The following SNX10 variants were observed in gnomAD, a reference collection of about 807,000 sequenced individuals.
The protein encoded by SNX10 is sorting nexin 10.
SNX10 carries 25 observed loss-of-function variants against 28.5 expected under a neutral mutation model. The observed-to-expected ratio is 0.88, with a 90% CI of 0.64 to 1.22. The LOEUF (loss-of-function observed/expected upper bound fraction) is 1.22. Ranked by LOEUF, SNX10 falls within the 50% of genes most tolerant of loss-of-function variation. The probability of loss-of-function intolerance (pLI) is 0.00; values close to 1 mark genes in which losing one functional copy is unlikely to be tolerated. For synonymous variants in SNX10, 62 were observed against 81.4 expected, an observed-to-expected ratio of 0.76 and a Z score of 1.28; for missense variants, 223 against 242.6, an observed-to-expected ratio of 0.92 and a Z score of 0.54.
intron 2 of SNX10, among the ~76,000 whole-genome samples, chr7:26,356,238 G>T (rs766625485): frequency 1.3e-5 from 2 of 152,166 alleles, no homozygotes; most frequent in Non-Finnish European, 2.9e-5. Flanking sequence ...GAGAACAGCA[G>T]GGACAGTTAG....
At chr7:26,319,708 G>A (rs1464799504) in intron 1 of SNX10, among the ~76,000 whole-genome samples, 3 of 152,000 alleles carry the variant, frequency 2.0e-5, no homozygotes, top group African/African-American at 2.4e-5. Flanking sequence ...TTCTTCTAAC[G>A]CAAACCCTGC....
chr7:26,350,354 A>G (rs1025779378), intron 2 of SNX10, among the ~76,000 whole-genome samples: 3 of 152,130 alleles, frequency 2.0e-5, no homozygotes, highest in Non-Finnish European at 4.4e-5. Context: ...ATGGGGCACT[A>G]TGGGGAGAGC....
At chr7:26,308,221 A>G (rs569786028) in intron 1 of SNX10, among the ~76,000 whole-genome samples, 30 of 152,196 alleles carry the variant, frequency 2.0e-4, no homozygotes, top group African/African-American at 7.2e-4. Flanking sequence ...TTCTCCCTTC[A>G]ACCTGCTCCT....
rs1562826305 is a variant in SNX10 at position 26,372,908 on chromosome 7, T to G, written c.*336T>G. The stretch of plus-strand genomic sequence containing the variant: ...TAAAAAGATAGGTAACTAAGTAGCA[T>G]TTAAAATCAAGATAGAGCATTCCTT... On this transcript the variant is annotated 3_prime_UTR_variant, in exon 7 of 7. Coordinates refer to ENST00000338523, the MANE Select transcript of SNX10 (RefSeq NM_013322.3). 1 of 225,136 alleles carries G rather than the reference T, an allele frequency of 4.4e-6. No individual in the cohort carries two copies. Among genetic ancestry groups the G allele is most frequent in the Non-Finnish European group, 8.9e-6 (1 of 112,666 alleles). 13.9% of individuals were successfully genotyped at this position (225,136 alleles called of 1,614,324 possible). A position where few individuals can be genotyped will look rare whatever the true frequency, so the allele number is the denominator to read the frequency against.
chr7:26,328,914 T>C (rs1340984644), intron 1 of SNX10, among the ~76,000 whole-genome samples: 1 of 152,168 alleles, frequency 6.6e-6, no homozygotes, highest in Admixed American at 6.5e-5. Context: ...TGGATAAGCA[T>C]AAGTGAGGAA....
chr7:26,332,668 T>A (rs1787789842), intron 1 of SNX10, among the ~76,000 whole-genome samples: 1 of 152,204 alleles, frequency 6.6e-6, no homozygotes, highest in Admixed American at 6.5e-5. Context: ...AGAGACTAAC[T>A]GCTGTGTTTT....
At chr7:26,330,447 C>T (rs1787697395) in intron 1 of SNX10, among the ~76,000 whole-genome samples, 1 of 152,000 alleles carries the variant, frequency 6.6e-6, no homozygotes, top group African/African-American at 2.4e-5. Context: ...GCAGCCGGTA[C>T]TTGGGAGAGT....
In SNX10 at chr7:26,314,923, G is replaced by A. The variant is rs988267504; in HGVS notation, c.-24+22837G>A. Among the ~76,000 whole-genome samples, 7 of 152,024 alleles carry A rather than the reference G, an allele frequency of 4.6e-5. No homozygotes were observed. The East Asian group carries it at 7.7e-4, about 17-fold the overall frequency. ...TGAGGCATGAGAATCACTTGAACCC[G>A]AAAGGCAGAGGTTGCAGTGAACTGA... On this transcript the variant is annotated intron_variant, in intron 1 of 6. Coordinates refer to ENST00000338523, the MANE Select transcript of SNX10 (RefSeq NM_013322.3).
chr7:26,369,742 A>C (rs1250800732), intron 5 of SNX10, among the ~76,000 whole-genome samples: 1 of 152,328 alleles, frequency 6.6e-6, no homozygotes. Flanking sequence ...TATTGAGCAG[A>C]AAAAGAAAAC....
At chr7:26,371,101 C>T (rs528104503) in intron 5 of SNX10, among the ~76,000 whole-genome samples, 20 of 151,844 alleles carry the variant, frequency 1.3e-4, no homozygotes, top group East Asian at 9.7e-4. Flanking sequence ...TCTGTTCTGT[C>T]TTTGTAAACT....
intron 1 of SNX10, among the ~76,000 whole-genome samples, chr7:26,302,761 A>G (rs992030017): frequency 1.3e-5 from 2 of 152,102 alleles, no homozygotes; most frequent in Admixed American, 6.6e-5. Context: ...GGCAAAATCT[A>G]TTTCTGGCCT....
chr7:26,348,782 A>G (rs899049390), intron 2 of SNX10, among the ~76,000 whole-genome samples: 1 of 152,078 alleles, frequency 6.6e-6, no homozygotes, highest in African/African-American at 2.4e-5. Flanking sequence ...CTTGTTCCTT[A>G]TTTCAGAGCT....
chr7:26,319,029 A>T (rs559649602), intron 1 of SNX10, among the ~76,000 whole-genome samples: 5 of 152,304 alleles, frequency 3.3e-5, no homozygotes, highest in Admixed American at 3.3e-4. Context: ...CTAAACTTTG[A>T]TGCTGCCTTT....
chr7:26,346,167 C>T lies in SNX10; in HGVS notation c.-23-253C>T, dbSNP rs527317537. 1.2e-4 allele frequency among the ~76,000 whole-genome samples: 19 copies of T among 152,256 alleles called. No individual in the cohort carries two copies. The East Asian group carries it at 3.5e-3, about 28-fold the overall frequency. On this transcript the variant is annotated intron_variant, in intron 1 of 6. Coordinates refer to ENST00000338523, the MANE Select transcript of SNX10 (RefSeq NM_013322.3). ...GCCCCAGCCTGACTGGCTGGCCTTGCGGTTTGAAGGTCTGTCATCATCCAG... is the reference window on the plus strand; with the variant it reads ...GCCCCAGCCTGACTGGCTGGCCTTGTGGTTTGAAGGTCTGTCATCATCCAG...
At chr7:26,326,505 C>A (rs1361299756) in intron 1 of SNX10, among the ~76,000 whole-genome samples, 2 of 152,152 alleles carry the variant, frequency 1.3e-5, no homozygotes, top group African/African-American at 4.8e-5. Flanking sequence ...GAACCCATGC[C>A]TCCCATATTA....
chr7:26,311,829 A>G (rs1330462015), intron 1 of SNX10, among the ~76,000 whole-genome samples: 1 of 149,176 alleles, frequency 6.7e-6, no homozygotes, highest in East Asian at 1.9e-4. Context: ...TTGAAATTGT[A>G]TGAACAAGAC....
intron 2 of SNX10, among the ~76,000 whole-genome samples, chr7:26,348,829 C>A (rs1260773763): frequency 6.6e-6 from 1 of 152,198 alleles, no homozygotes; most frequent in African/African-American, 2.4e-5. Flanking sequence ...CACTCTGACC[C>A]CCATGGACTT....
At chr7:26,366,530 G>A (rs1272356238) in intron 5 of SNX10, among the ~76,000 whole-genome samples, 1 of 152,160 alleles carries the variant, frequency 6.6e-6, no homozygotes, top group Non-Finnish European at 1.5e-5. Flanking sequence ...ACCTGGCCAA[G>A]TTTTTCCTGC....
At chr7:26,354,177 T>C (rs1788725331) in intron 2 of SNX10, 1 of 152,210 alleles carries the variant, frequency 6.6e-6, no homozygotes, top group Non-Finnish European at 1.5e-5. Context: ...CCCTGGAAAC[T>C]GTAATAGGTA....
Sources: gnomAD v4.1 joint callset for allele counts (sites outside exome capture counted in the v4.1 genomes callset) on GRCh38, gnomAD v4.1.1 for gene constraint, MANE v1.5 for transcripts, NCBI Gene and HGNC (gene_info 2026-07-23, HGNC 2026-07-21) for gene names.